The following SEC22C variants were observed in gnomAD, a reference collection of about 807,000 sequenced individuals.
SEC22C encodes the protein vesicle-trafficking protein SEC22c.
SEC22C carries 29 observed loss-of-function variants against 34.7 expected under a neutral mutation model. The ratio of observed to expected loss-of-function variants is 0.84; its 90% CI spans 0.62 to 1.14. The LOEUF (loss-of-function observed/expected upper bound fraction) is 1.14. SEC22C is among the 50% of genes most tolerant of loss of function. The pLI is 0.00. For synonymous variants in SEC22C, 117 were observed against 132.8 expected (o/e 0.88, Z 0.82); for missense variants, 337 against 369.0 (o/e 0.91, Z 0.71).
At chr3:42,561,347 A>G (rs753994927) in intron 3 of SEC22C, 51 bp from the exon 4 acceptor site, 23 of 1,551,022 alleles carry the variant, frequency 1.5e-5, no homozygotes, top group Non-Finnish European at 2.0e-5. Flanking sequence ...AATGGATATT[A>G]TAAGACAATA....
At position 42,572,895 on chromosome 3, in the gene SEC22C, T is replaced by C. The variant is rs1703731750; in HGVS notation, c.-27-3822A>G. Among the ~76,000 whole-genome samples the C allele has an allele frequency of 2.0e-5, 3 of 152,204 alleles. 1 individual carries two copies. In the South Asian group the frequency reaches 6.2e-4, roughly 32 times the overall value. Reference sequence around the variant, plus strand: ...ATAAAAATGCTTCAATGGTCAATTATAAACTGTTTCCCAGGCTAGAATACA... The same window carrying C: ...ATAAAAATGCTTCAATGGTCAATTACAAACTGTTTCCCAGGCTAGAATACA... On this transcript the variant is annotated intron_variant, in intron 1 of 6. Transcript: ENST00000264454.
chr3:42,600,973 C>G (rs753794362), exon 1 of SEC22C: 3 of 1,516,788 alleles, frequency 2.0e-6, no homozygotes, highest in Non-Finnish European at 2.7e-6. Flanking sequence ...TTTTCTCCCC[C>G]TCTCTCCCAG....
intron 1 of SEC22C, chr3:42,600,951 T>TCGCCCCG: frequency 8.8e-7 from 1 of 1,135,844 alleles, no homozygotes. Flanking sequence ...CCCTCGCCCC[T>TCGCCCCG]GCCCTGACCG....
In SEC22C at chr3:42,552,847, G is replaced by A. The variant is rs1226508066; in HGVS notation, c.*401C>T. On this transcript the variant is annotated 3_prime_UTR_variant, in exon 7 of 7. Coordinates refer to ENST00000264454, the MANE Select transcript of SEC22C (RefSeq NM_032970.4). ...TCAAGTTATGTTTAGACTGAAAGCT[G>A]ATTTGGATTTTAAAGTGGTTCCTTG... The A allele has an allele frequency of 9.8e-7, 1 of 1,023,520 alleles. No individual in the cohort carries two copies. Among genetic ancestry groups the A allele is most frequent in the Non-Finnish European group, 1.2e-6 (1 of 854,714 alleles). The allele number at this position is 1,023,520 out of a possible 1,614,324, so 63.4% of individuals were successfully genotyped here. A position where few individuals can be genotyped will look rare whatever the true frequency, so the allele number is the denominator to read the frequency against.
At chr3:42,558,366 T>C (rs1301682750) in intron 4 of SEC22C, among the ~76,000 whole-genome samples, 1 of 149,434 alleles carries the variant, frequency 6.7e-6, no homozygotes, top group African/African-American at 2.5e-5. Context: ...CGCATACCTG[T>C]AGTCCCAGCT....
upstream of SEC22C, chr3:42,582,015 C>G (rs531327421): frequency 6.6e-6 from 1 of 152,386 alleles, no homozygotes; most frequent in Non-Finnish European, 1.5e-5. Context: ...CCCTACCCCG[C>G]ATTCGCTGCT....
chr3:42,565,741 T>G (rs1577321336), intron 2 of SEC22C: 1 of 357,712 alleles, frequency 2.8e-6, no homozygotes, highest in East Asian at 8.7e-5. Flanking sequence ...GGATTCTTCC[T>G]TAAAGTTTGT....
intron 1 of SEC22C, among the ~76,000 whole-genome samples, chr3:42,577,906 G>A (rs1450547988): frequency 3.3e-5 from 5 of 151,810 alleles, no homozygotes; most frequent in African/African-American, 1.2e-4. Flanking sequence ...GGAGGCGGAG[G>A]TTGCAGTGCG....
chr3:42,561,043 G>GAAA, intron 4 of SEC22C, 74 bp downstream of exon 4: 1 of 1,385,458 alleles, frequency 7.2e-7, no homozygotes, highest in Non-Finnish European at 9.8e-7. Context: ...GCTTTCTAGT[G>GAAA]AAAAAAAAAA....
At chr3:42,591,377 TTAGTATGGGGTTTCCCCATGTTGG>T (rs1704832374) in intron 1 of SEC22C, 3 of 624,174 alleles carry the variant, frequency 4.8e-6, no homozygotes, top group Non-Finnish European at 8.5e-6. Context: ...TTTTGTATTT[TTAGTATGGGGTTTCCCCATGTTGG>T]CCAGGCTAGT....
chr3:42,572,076 C>T (rs1003353018), intron 1 of SEC22C, among the ~76,000 whole-genome samples: 3 of 152,028 alleles, frequency 2.0e-5, no homozygotes, highest in Non-Finnish European at 2.9e-5. Context: ...AGGAAGAAGA[C>T]TGGCTAGGGA....
At position 42,549,472 on chromosome 3, in the gene SEC22C, T is replaced by C; in HGVS notation, c.*3776A>G. 1 of 986,004 alleles carries C rather than the reference T, an allele frequency of 1.0e-6. No individual in the cohort carries two copies. The highest frequency in any genetic ancestry group is 1.2e-6 in the Non-Finnish European group (1 of 830,360). The allele number at this position is 986,004 out of a possible 1,614,324, so 61.1% of individuals were successfully genotyped here. On this transcript the variant is annotated 3_prime_UTR_variant, in exon 7 of 7. Coordinates refer to ENST00000264454, the MANE Select transcript of SEC22C (RefSeq NM_032970.4). ...AGAGAGAACCCCCAGCTCTGCTCCC[T>C]ACCTATGCCCTGCTTCCTGTGCCTC... is the stretch of plus-strand genomic sequence containing the variant.
At chr3:42,595,850 T>C (rs898252628) in intron 1 of SEC22C, among the ~76,000 whole-genome samples, 1 of 152,216 alleles carries the variant, frequency 6.6e-6, no homozygotes, top group Non-Finnish European at 1.5e-5. Context: ...CTGAAAGCTC[T>C]GTTTCCTCAC....
chr3:42,566,890 TG>T, intron 2 of SEC22C: 1 of 288,934 alleles, frequency 3.5e-6, no homozygotes, highest in Non-Finnish European at 7.3e-6. Flanking sequence ...CTCAGCTACT[TG>T]GGAGGCTATC....
Position 42,591,049 on chromosome 3 carries a change from T to A in SEC22C, c.-28+9911A>T. The stretch of plus-strand genomic sequence containing the variant: ...GCGGGGTGCGAGAAGCATCCTGTAG[T>A]GAGCGGCCTCCCAGCTGACTGTGAA... On this transcript the variant is annotated intron_variant, in intron 1 of 6. Coordinates refer to the SEC22C transcript ENST00000417572. The A allele has an allele frequency of 3.5e-6, 5 of 1,447,244 alleles. No individual in the cohort carries two copies. In the South Asian group the frequency reaches 3.6e-5, roughly 11 times the overall value. 89.7% of individuals were successfully genotyped at this position (1,447,244 alleles called of 1,614,324 possible). A position where few individuals can be genotyped will look rare whatever the true frequency, so the allele number is the denominator to read the frequency against.
chr3:42,560,248 AAG>A (rs1702818741), intron 4 of SEC22C, among the ~76,000 whole-genome samples: 1 of 147,686 alleles, frequency 6.8e-6, no homozygotes, highest in South Asian at 2.1e-4. Context: ...CTTATAGAAA[AAG>A]AGAATGAATC....
upstream of SEC22C, among the ~76,000 whole-genome samples, chr3:42,585,221 T>C (rs1406850592): frequency 6.6e-6 from 1 of 152,200 alleles, no homozygotes; most frequent in Non-Finnish European, 1.5e-5. Context: ...AACAGGACCT[T>C]ACACTCTCTG....
chr3:42,588,180 G>C (rs1704687708), intron 1 of SEC22C, among the ~76,000 whole-genome samples: 1 of 151,796 alleles, frequency 6.6e-6, no homozygotes, highest in African/African-American at 2.4e-5. Flanking sequence ...GAGGCAGACA[G>C]ATCATGAGGT....
chr3:42,596,002 C>CT (rs957468636), intron 1 of SEC22C, among the ~76,000 whole-genome samples: 4 of 151,490 alleles, frequency 2.6e-5, no homozygotes, highest in Non-Finnish European at 4.4e-5. Flanking sequence ...TCTTTTTCTT[C>CT]TTTTTTTTGG....
Sources: allele counts gnomAD v4.1 joint callset (sites outside exome capture counted in the v4.1 genomes callset), GRCh38; gene constraint gnomAD v4.1.1; transcripts MANE v1.5; gene names NCBI Gene and HGNC (gene_info 2026-07-23, HGNC 2026-07-21).